RAB5A: variants seen among roughly 807,000 people sequenced by gnomAD.
The protein encoded by RAB5A is RAB5A, member RAS oncogene family, also known as ras-related protein Rab-5A.
A neutral mutation model predicts 25.7 loss-of-function variants in RAB5A; 8 were observed. The ratio of observed to expected loss-of-function variants is 0.31; its 90% CI spans 0.18 to 0.56. The LOEUF (loss-of-function observed/expected upper bound fraction) is 0.56, where lower values mean the gene tolerates loss of function less well. Ranked by LOEUF, RAB5A falls within the 20% of genes least tolerant of loss-of-function variation. The probability of loss-of-function intolerance (pLI) is 0.91; values close to 1 mark genes in which losing one functional copy is unlikely to be tolerated. For synonymous variants in RAB5A, 98 were observed against 89.8 expected (o/e 1.09, Z -0.52); for missense variants, 192 against 259.7 (o/e 0.74, Z 1.79).
chr3:19,963,651 T>C (rs1696623058), intron 2 of RAB5A, among the ~76,000 whole-genome samples: 1 of 152,086 alleles, frequency 6.6e-6, no homozygotes, highest in South Asian at 2.1e-4. Context: ...AGAACTTTTG[T>C]TTTTGTTTTG....
chr3:19,975,852 A>G (rs1696817238), intron 3 of RAB5A, 100 bp downstream of exon 3: 2 of 1,385,688 alleles, frequency 1.4e-6, no homozygotes, highest in East Asian at 2.4e-5. Flanking sequence ...TCTGATAGTC[A>G]TGACCTTTCT....
chr3:19,947,493 C>T lies in RAB5A; in HGVS notation c.-122C>T, dbSNP rs1366160845. The T allele has an allele frequency of 2.0e-5, 3 of 152,956 alleles. No homozygotes were observed. The East Asian group carries it at 5.8e-4, about 30-fold the overall frequency. The allele number at this position is 152,956 out of a possible 1,614,324, so 9.5% of individuals were successfully genotyped here. On this transcript the variant is annotated 5_prime_UTR_variant, in exon 1 of 6. Coordinates refer to ENST00000273047, the MANE Select transcript of RAB5A (RefSeq NM_004162.5). ...GGGCCTTGCTGCCAGGAAGCTTCGG[C>T]CCCGCAGCTCGGCTTGCTGCGGTCT...
At chr3:19,948,401 G>T (rs980815001) in intron 1 of RAB5A, among the ~76,000 whole-genome samples, 1 of 152,186 alleles carries the variant, frequency 6.6e-6, no homozygotes, top group East Asian at 1.9e-4. Flanking sequence ...TGATAACTCA[G>T]CATTTGTATA....
At chr3:19,979,033 A>T (rs894130231) in intron 5 of RAB5A, 10 of 151,692 alleles carry the variant, frequency 6.6e-5, no homozygotes, top group African/African-American at 2.2e-4. Context: ...CTGGAGTGCA[A>T]TGGTACGATC....
intron 2 of RAB5A, among the ~76,000 whole-genome samples, chr3:19,963,364 ACC>A (rs201742105): frequency 0.11 from 6,949 of 60,762 alleles, 388 homozygotes; most frequent in African/African-American, 0.15. Flanking sequence ...TTAGAATTTC[ACC>A]CCCCCCCCCC....
At chr3:19,969,646 T>C (rs918509611) in intron 2 of RAB5A, among the ~76,000 whole-genome samples, 4 of 152,220 alleles carry the variant, frequency 2.6e-5, no homozygotes, top group Admixed American at 6.5e-5. Flanking sequence ...TGTAGTCTTA[T>C]ATAGAATTTT....
At chr3:19,969,048 T>C (rs1261567777) in intron 2 of RAB5A, among the ~76,000 whole-genome samples, 1 of 139,040 alleles carries the variant, frequency 7.2e-6, no homozygotes, top group Admixed American at 7.1e-5. Context: ...TTTTTTGGTT[T>C]TTTTTTTTTT....
intron 2 of RAB5A, among the ~76,000 whole-genome samples, chr3:19,968,255 T>A (rs928668839): frequency 2.0e-5 from 3 of 152,182 alleles, no homozygotes; most frequent in Non-Finnish European, 2.9e-5. Context: ...ACTTACACAT[T>A]GGGATTGTTT....
intron 2 of RAB5A, among the ~76,000 whole-genome samples, chr3:19,955,655 A>T (rs1394425704): frequency 6.6e-6 from 1 of 152,142 alleles, no homozygotes; most frequent in Non-Finnish European, 1.5e-5. Flanking sequence ...ACACTTTGGG[A>T]GGCTGAGGCG....
intron 2 of RAB5A, among the ~76,000 whole-genome samples, chr3:19,965,756 G>A (rs1032819615): frequency 1.3e-5 from 2 of 151,352 alleles, no homozygotes; most frequent in African/African-American, 4.9e-5. Flanking sequence ...TATTTTTTGG[G>A]GCAGGGGTTG....
rs183629322 is a variant in RAB5A, at chr3:19,978,252, G to A, written c.439-58G>A. On this transcript the variant is annotated intron_variant, in intron 4 of 5. Transcript: ENST00000273047. ...CTTTTCTATAACAAGTTTAAAGCAG[G>A]TGTAGTGTATTTCCAAGAGATATAT... 2.1e-4 allele frequency: 233 copies of A among 1,087,066 alleles called. No homozygotes were observed. In the African/African-American group the frequency reaches 3.4e-3, roughly 16 times the overall value. The allele number at this position is 1,087,066 out of a possible 1,614,324, so 67.3% of individuals were successfully genotyped here. A position where few individuals can be genotyped will look rare whatever the true frequency, so the allele number is the denominator to read the frequency against.
chr3:19,960,467 A>G (rs1019570524), intron 2 of RAB5A, among the ~76,000 whole-genome samples: 2 of 151,944 alleles, frequency 1.3e-5, no homozygotes, highest in African/African-American at 4.8e-5. Flanking sequence ...GCCCCCGGCT[A>G]ATTTTGTATT....
chr3:19,948,588 T>C (rs1399364099), intron 1 of RAB5A, among the ~76,000 whole-genome samples: 1 of 152,240 alleles, frequency 6.6e-6, no homozygotes, highest in Non-Finnish European at 1.5e-5. Flanking sequence ...AAGCAGTGAA[T>C]ACAAATGAAT....
Position 19,975,750 on chromosome 3 carries a change from G to A in RAB5A, c.313G>A (p.Glu105Lys). The A allele has an allele frequency of 6.2e-7, 1 of 1,610,456 alleles. No individual in the cohort carries two copies. The highest frequency in any genetic ancestry group is 1.3e-5 in the African/African-American group (1 of 74,904). Reference sequence around the variant, plus strand: ...CATAGTTGTATATGATATCACAAATGAGGTAAGTATGGATGCATTCCACAG... The same window carrying A: ...CATAGTTGTATATGATATCACAAATAAGGTAAGTATGGATGCATTCCACAG... ...AAIVVYDITN[E>K]ESFARAKNWV... Residue 105 changes from glutamate (E) to lysine (K), a missense_variant and splice_region_variant, in exon 3 of 6, where the codon GAG (glutamate) becomes AAG (lysine). Coordinates refer to ENST00000273047, the MANE Select transcript of RAB5A (RefSeq NM_004162.5).
chr3:19,969,045 G>GT lies in RAB5A; in HGVS notation c.164-6540dup, dbSNP rs386396075. Among the ~76,000 whole-genome samples the GT allele has an allele frequency of 7.2e-4, 74 of 103,434 alleles. 3 individuals carry two copies. Among genetic ancestry groups the GT allele is most frequent in the Non-Finnish European group, 9.2e-4 (53 of 57,536 alleles). The allele number at this position is 103,434 out of a possible 152,430, so 67.9% of individuals were successfully genotyped here. ...TTTTGGTTTTGGTTTTTTTTTTTTG[G>GT]TTTTTTTTTTTTTTTTGAGATGGAG... On this transcript the variant is annotated intron_variant, in intron 2 of 5. Coordinates refer to ENST00000273047, the MANE Select transcript of RAB5A (RefSeq NM_004162.5).
intron 2 of RAB5A, chr3:19,970,539 C>G (rs958631433): frequency 2.2e-6 from 1 of 456,480 alleles, no homozygotes; most frequent in Non-Finnish European, 4.4e-6. Flanking sequence ...CTTGTCATCG[C>G]GTACACAGTA....
At chr3:19,958,598 CTT>C (rs1696539451) in intron 2 of RAB5A, among the ~76,000 whole-genome samples, 1 of 152,172 alleles carries the variant, frequency 6.6e-6, no homozygotes, top group Admixed American at 6.5e-5. Context: ...AATCCCAACA[CTT>C]TGGAAGGCCG....
chr3:19,950,264 TAAATG>T (rs1696404185), intron 1 of RAB5A, among the ~76,000 whole-genome samples: 1 of 152,200 alleles, frequency 6.6e-6, no homozygotes, highest in African/African-American at 2.4e-5. Context: ...TACCATTAAT[TAAATG>T]AAAAATGCAT....
intron 3 of RAB5A, 77 bp downstream of exon 3, chr3:19,975,829 T>G: frequency 6.8e-7 from 1 of 1,462,482 alleles, no homozygotes; most frequent in South Asian, 1.3e-5. Flanking sequence ...TTAAATGTTT[T>G]GGAAAATCTT....
Sources: allele counts gnomAD v4.1 joint callset (sites outside exome capture counted in the v4.1 genomes callset), GRCh38; gene constraint gnomAD v4.1.1; transcripts MANE v1.5; gene names NCBI Gene and HGNC (gene_info 2026-07-23, HGNC 2026-07-21).